NAPB: variants seen among roughly 807,000 people sequenced by gnomAD.
NAPB encodes the protein NSF attachment protein beta, also known as beta-soluble NSF attachment protein.
A neutral mutation model predicts 44.7 loss-of-function variants in NAPB; 26 were observed. The observed-to-expected ratio is 0.58, with a 90% confidence interval of 0.43 to 0.81. The LOEUF is 0.81. NAPB is among the 30% of genes least tolerant of loss of function. The pLI is 0.00. For synonymous variants in NAPB, 120 were observed against 116.8 expected, an observed-to-expected ratio of 1.03 and a Z score of -0.18; for missense variants, 315 against 356.4, an observed-to-expected ratio of 0.88 and a Z score of 0.94.
chr20:23,411,938 C>A (rs1437049725), intron 1 of NAPB, among the ~76,000 whole-genome samples: 1 of 152,132 alleles, frequency 6.6e-6, no homozygotes, highest in East Asian at 1.9e-4. Context: ...GCTCAAAAAA[C>A]AAAACCCAAC....
chr20:23,391,293 A>G (rs1600572739), intron 5 of NAPB, among the ~76,000 whole-genome samples: 1 of 152,278 alleles, frequency 6.6e-6, no homozygotes, highest in East Asian at 1.9e-4. Context: ...CCTGGGTGAC[A>G]AGAGTGAAAC....
chr20:23,377,226 AAC>A lies in NAPB; in HGVS notation c.*148_*149del, dbSNP rs1982589239. ...GCCTCTCCTTCATTCATTTCACAGC[AAC>A]ACAGACTTGGCGAGCTTAAACAATA... On this transcript the variant is annotated 3_prime_UTR_variant, in exon 11 of 11. Transcript: ENST00000377026. 2.4e-6 allele frequency: 1 copy of A among 419,924 alleles called. No homozygotes were observed. Among genetic ancestry groups the A allele is most frequent in the African/African-American group, 2.0e-5 (1 of 49,862 alleles). 26.0% of individuals were successfully genotyped at this position (419,924 alleles called of 1,614,324 possible). A position where few individuals can be genotyped will look rare whatever the true frequency, so the allele number is the denominator to read the frequency against.
intron 8 of NAPB, 88 bp from the exon 9 acceptor site, chr20:23,380,023 A>C: frequency 9.8e-7 from 1 of 1,015,924 alleles, no homozygotes; most frequent in Non-Finnish European, 1.5e-6. Flanking sequence ...AGATCTACCT[A>C]TATCCTATTA....
intron 1 of NAPB, among the ~76,000 whole-genome samples, chr20:23,404,897 G>T (rs775170138): frequency 6.6e-6 from 1 of 152,200 alleles, no homozygotes; most frequent in Non-Finnish European, 1.5e-5. Flanking sequence ...CCTTATATAT[G>T]TGGAGAAACC....
rs1419383582 is a variant in NAPB, at chr20:23,375,249, T to G, written c.*2127A>C. ...TTATTGCAATACAAACAAGTGACCC[T>G]CTAATTGACACAACAAAATGTTACA... On this transcript the variant is annotated 3_prime_UTR_variant, in exon 11 of 11. Transcript: ENST00000377026. 1.3e-5 allele frequency: 2 copies of G among 152,150 alleles called. No homozygotes were observed. Among genetic ancestry groups the G allele is most frequent in the Non-Finnish European group, 2.9e-5 (2 of 68,040 alleles). 9.4% of individuals were successfully genotyped at this position (152,150 alleles called of 1,614,324 possible).
intron 1 of NAPB, among the ~76,000 whole-genome samples, chr20:23,417,322 G>A (rs1986077074): frequency 6.6e-6 from 1 of 152,156 alleles, no homozygotes; most frequent in Non-Finnish European, 1.5e-5. Context: ...GACCTCAAGT[G>A]ATCCACCCGC....
chr20:23,380,208 T>C (rs574800833), intron 8 of NAPB, among the ~76,000 whole-genome samples: 1 of 152,362 alleles, frequency 6.6e-6, no homozygotes, highest in East Asian at 1.9e-4. Flanking sequence ...ACAGACCAGG[T>C]ATCTGTATCC....
intron 10 of NAPB, among the ~76,000 whole-genome samples, chr20:23,377,878 T>A (rs1260080507): frequency 6.6e-6 from 1 of 152,168 alleles, no homozygotes; most frequent in Non-Finnish European, 1.5e-5. Flanking sequence ...GAAGCGGAAT[T>A]AACACATTTC....
At chr20:23,382,836 C>T (rs1983129785) in intron 7 of NAPB, among the ~76,000 whole-genome samples, 1 of 152,024 alleles carries the variant, frequency 6.6e-6, no homozygotes, top group South Asian at 2.1e-4. Flanking sequence ...TTTGTGGCAT[C>T]TGTGTTCTAG....
intron 1 of NAPB, among the ~76,000 whole-genome samples, chr20:23,409,414 AAT>A (rs1985490345): frequency 6.6e-6 from 1 of 152,244 alleles, no homozygotes; most frequent in Non-Finnish European, 1.5e-5. Flanking sequence ...TTATTTTGAC[AAT>A]AGTTTTCTAA....
chr20:23,410,748 C>G (rs983741226), intron 1 of NAPB, among the ~76,000 whole-genome samples: 1 of 151,806 alleles, frequency 6.6e-6, no homozygotes, highest in African/African-American at 2.4e-5. Flanking sequence ...AGCCCCAAAA[C>G]AAAAAAGAAA....
chr20:23,386,696 C>T (rs1397148895), intron 7 of NAPB, among the ~76,000 whole-genome samples: 2 of 152,160 alleles, frequency 1.3e-5, no homozygotes, highest in African/African-American at 2.4e-5. Flanking sequence ...TCACTTATTA[C>T]TGTGGGGGGA....
chr20:23,398,722 T>G (rs1412599386), intron 2 of NAPB, among the ~76,000 whole-genome samples: 4 of 151,688 alleles, frequency 2.6e-5, no homozygotes, highest in Non-Finnish European at 2.9e-5. Context: ...CAGGTGCCTA[T>G]AATCCCAGCT....
At chr20:23,417,039 AG>A (rs1029957437) in intron 1 of NAPB, among the ~76,000 whole-genome samples, 35 of 152,212 alleles carry the variant, frequency 2.3e-4, no homozygotes, top group African/African-American at 8.4e-4. Context: ...TGAAAGGCAA[AG>A]GAAGACAGCA....
In NAPB at chr20:23,389,931, C is replaced by A; in HGVS notation, c.561+15G>T. 1 of 1,604,142 alleles carries A rather than the reference C, an allele frequency of 6.2e-7. No individual in the cohort carries two copies. The highest frequency in any genetic ancestry group is 8.5e-7 in the Non-Finnish European group (1 of 1,175,744). On this transcript the variant is annotated intron_variant, in intron 7 of 10. Transcript: ENST00000377026. ...TTCAGACAACTTCTCTCCAAGGAAA[C>A]AACAGTATCCTCACCTGCTCATAGA...
intron 7 of NAPB, among the ~76,000 whole-genome samples, chr20:23,384,118 C>T (rs979352328): frequency 1.3e-5 from 2 of 152,180 alleles, no homozygotes; most frequent in Non-Finnish European, 2.9e-5. Flanking sequence ...AGGAATTCAA[C>T]ACCCATATAA....
intron 7 of NAPB, among the ~76,000 whole-genome samples, chr20:23,384,976 G>A (rs984225421): frequency 3.7e-4 from 56 of 152,104 alleles, no homozygotes; most frequent in Middle Eastern, 3.4e-3. Context: ...AAAATTAGCC[G>A]GGCATGCTGG....
chr20:23,399,792 G>A (rs1038362264), intron 2 of NAPB, among the ~76,000 whole-genome samples: 1 of 152,190 alleles, frequency 6.6e-6, no homozygotes, highest in Non-Finnish European at 1.5e-5. Context: ...AGCTTTAATG[G>A]GCTCTGCCTC....
intron 1 of NAPB, among the ~76,000 whole-genome samples, chr20:23,417,388 C>G (rs558239556): frequency 6.6e-6 from 1 of 152,132 alleles, no homozygotes; most frequent in South Asian, 2.1e-4. Flanking sequence ...CTGGCCTCCA[C>G]TGTCAGTCTT....
Sources: allele counts gnomAD v4.1 joint callset (sites outside exome capture counted in the v4.1 genomes callset), GRCh38; gene constraint gnomAD v4.1.1; transcripts MANE v1.5; gene names NCBI Gene and HGNC (gene_info 2026-07-23, HGNC 2026-07-21).